ULK4: variants seen among roughly 807,000 people sequenced by gnomAD.
ULK4 encodes the protein unc-51 like kinase 4.
Under a neutral mutation model 160.6 loss-of-function variants are expected in ULK4, and 133 were observed. The observed-to-expected ratio is 0.83, with a 90% CI of 0.72 to 0.96. ULK4 has a LOEUF of 0.96. Among genes scored for constraint, ULK4 ranks in the 40% least tolerant of loss-of-function variants. The pLI is 0.00. For synonymous variants in ULK4, 534 were observed against 539.8 expected (o/e 0.99, Z 0.15); for missense variants, 1,580 against 1,499.5 (o/e 1.05, Z -0.89).
intron 30 of ULK4, among the ~76,000 whole-genome samples, chr3:41,662,800 G>A (rs60972745): frequency 2.0e-5 from 3 of 151,696 alleles, no homozygotes; most frequent in Non-Finnish European, 2.9e-5. Context: ...GGACCTCTCA[G>A]ACAAACTAAT....
At chr3:41,580,389 TA>T (rs1165663919) in intron 31 of ULK4, among the ~76,000 whole-genome samples, 89 of 149,886 alleles carry the variant, frequency 5.9e-4, no homozygotes, top group East Asian at 5.3e-3. Context: ...TTTTTTTTTT[TA>T]AAAAAACCTG....
intron 35 of ULK4, among the ~76,000 whole-genome samples, chr3:41,301,592 C>T (rs2079799842): frequency 1.3e-5 from 2 of 152,076 alleles, no homozygotes; most frequent in African/African-American, 4.8e-5. Context: ...TGGCGTGCTA[C>T]GTTTAGAGTA....
At chr3:41,736,080 C>A (rs1176856107) in intron 22 of ULK4, among the ~76,000 whole-genome samples, 1 of 151,394 alleles carries the variant, frequency 6.6e-6, no homozygotes, top group South Asian at 2.1e-4. Flanking sequence ...TTTTCTTAAT[C>A]CAGTCTATCA....
chr3:41,682,598 G>A (rs1401821916), intron 27 of ULK4, among the ~76,000 whole-genome samples: 2 of 152,204 alleles, frequency 1.3e-5, no homozygotes, highest in African/African-American at 2.4e-5. Flanking sequence ...ATCTCCATAT[G>A]TGGCTGGTGG....
chr3:41,403,033 C>G (rs745851953), intron 34 of ULK4, among the ~76,000 whole-genome samples: 17 of 152,062 alleles, frequency 1.1e-4, no homozygotes, highest in Non-Finnish European at 2.4e-4. Flanking sequence ...GCCTGTAATC[C>G]CAGCTACTTG....
chr3:41,474,326 C>G (rs997967497), intron 32 of ULK4, among the ~76,000 whole-genome samples: 1 of 151,996 alleles, frequency 6.6e-6, no homozygotes, highest in African/African-American at 2.4e-5. Flanking sequence ...AAAACTGGAC[C>G]CTTATCCTCA....
intron 22 of ULK4, among the ~76,000 whole-genome samples, chr3:41,751,455 C>T (rs1031310442): frequency 1.2e-4 from 19 of 152,178 alleles, no homozygotes; most frequent in Admixed American, 6.5e-4. Flanking sequence ...TACCTTACCT[C>T]CCCTGCAAGC....
At chr3:41,330,788 G>A (rs182700842) in intron 35 of ULK4, among the ~76,000 whole-genome samples, 25 of 152,340 alleles carry the variant, frequency 1.6e-4, no homozygotes, top group Admixed American at 5.2e-4. Context: ...GTAGTCTGAG[G>A]TTCTGGGTTT....
intron 32 of ULK4, among the ~76,000 whole-genome samples, chr3:41,521,246 C>T (rs1220196907): frequency 5.3e-5 from 8 of 152,160 alleles, no homozygotes; most frequent in Admixed American, 5.2e-4. Context: ...CTCAACCTAA[C>T]AGTCCTCTGT....
intron 34 of ULK4, among the ~76,000 whole-genome samples, chr3:41,423,388 C>A (rs1292858284): frequency 2.0e-5 from 3 of 152,078 alleles, no homozygotes; most frequent in Non-Finnish European, 1.5e-5. Flanking sequence ...TGCTAGGCAT[C>A]CTGTGTAATA....
At chr3:41,513,972 A>T (rs566047141) in intron 32 of ULK4, among the ~76,000 whole-genome samples, 2 of 152,330 alleles carry the variant, frequency 1.3e-5, no homozygotes, top group Non-Finnish European at 1.5e-5. Flanking sequence ...AATAAAATTT[A>T]AAAAAATAAA....
chr3:41,469,213 G>A (rs886130318), intron 32 of ULK4, among the ~76,000 whole-genome samples: 104 of 152,078 alleles, frequency 6.8e-4, no homozygotes, highest in African/African-American at 2.4e-3. Flanking sequence ...AAGCTTCAAA[G>A]CTCACCTCAA....
intron 35 of ULK4, among the ~76,000 whole-genome samples, chr3:41,276,590 A>G (rs1249076005): frequency 6.6e-6 from 1 of 152,256 alleles, no homozygotes; most frequent in African/African-American, 2.4e-5. Context: ...AGTATATGAC[A>G]GGAATGTAAC....
Position 41,835,979 on chromosome 3 carries a change from G to T in ULK4, c.1657-8C>A, listed in dbSNP as rs202114865. The T allele has an allele frequency of 1.2e-5, 16 of 1,343,026 alleles. No individual in the cohort carries two copies. The highest frequency in any genetic ancestry group is 2.3e-4 in the Middle Eastern group (1 of 4,310). The allele number at this position is 1,343,026 out of a possible 1,614,324, so 83.2% of individuals were successfully genotyped here. ...AGTTAAGAGAACAATTGCCTGCAAA[G>T]ACAAAAAAAAAAAAAGTAAATTATT... On this transcript the variant is annotated splice_polypyrimidine_tract_variant and splice_region_variant and intron_variant, in intron 17 of 36. Coordinates refer to ENST00000301831, the MANE Select transcript of ULK4 (RefSeq NM_017886.4).
At chr3:41,449,349 C>T (rs868431661) in intron 34 of ULK4, among the ~76,000 whole-genome samples, 5 of 152,244 alleles carry the variant, frequency 3.3e-5, no homozygotes, top group African/African-American at 9.6e-5. Flanking sequence ...TCAGGAGGTA[C>T]TTATGAGTTT....
rs540394274 is a variant in ULK4, at chr3:41,939,155, T to G, written c.139-958A>C. On this transcript the variant is annotated intron_variant, in intron 2 of 36. Transcript: ENST00000301831. The stretch of plus-strand genomic sequence containing the variant: ...AGGAAACAAAGCAAGACATGAGCAA[T>G]GATTACCCTTTTTTTTTTTTTTTGA... Among the ~76,000 whole-genome samples the G allele has an allele frequency of 1.4e-4, 18 of 125,996 alleles. No homozygotes were observed. The South Asian group carries it at 3.0e-3, about 21-fold the overall frequency. 82.7% of individuals were successfully genotyped at this position (125,996 alleles called of 152,430 possible). A position where few individuals can be genotyped will look rare whatever the true frequency, so the allele number is the denominator to read the frequency against.
chr3:41,306,674 T>G (rs931593497), intron 35 of ULK4, among the ~76,000 whole-genome samples: 1 of 152,000 alleles, frequency 6.6e-6, no homozygotes, highest in African/African-American at 2.4e-5. Context: ...GAACGGGCCA[T>G]GATGACAATG....
intron 22 of ULK4, among the ~76,000 whole-genome samples, chr3:41,741,726 T>C (rs2038244864): frequency 6.6e-6 from 1 of 151,942 alleles, no homozygotes; most frequent in Admixed American, 6.6e-5. Context: ...CTGTGAAAAG[T>C]AGCTCTGCTA....
intron 31 of ULK4, among the ~76,000 whole-genome samples, chr3:41,597,091 A>T (rs1020738024): frequency 1.3e-5 from 2 of 152,072 alleles, no homozygotes; most frequent in African/African-American, 4.8e-5. Flanking sequence ...CCCTCTCAGG[A>T]GTCATAAGTA....
Sources: gnomAD v4.1 joint callset for allele counts (sites outside exome capture counted in the v4.1 genomes callset) on GRCh38, gnomAD v4.1.1 for gene constraint, MANE v1.5 for transcripts, NCBI Gene and HGNC (gene_info 2026-07-23, HGNC 2026-07-21) for gene names.